The following WNT9B variants were observed in gnomAD, a reference collection of about 807,000 sequenced individuals.
The protein encoded by WNT9B is protein Wnt-9b.
In WNT9B, 12 loss-of-function variants were observed where a neutral mutation model predicts 30.2. The ratio of observed to expected loss-of-function variants is 0.40; its 90% confidence interval spans 0.26 to 0.64. The LOEUF (loss-of-function observed/expected upper bound fraction) is 0.64. Among genes scored for constraint, WNT9B ranks in the 30% least tolerant of loss-of-function variants. The probability of loss-of-function intolerance (pLI) is 0.42; values close to 1 mark genes in which losing one functional copy is unlikely to be tolerated. For missense variants in WNT9B, 442 were observed against 485.2 expected, an observed-to-expected ratio of 0.91 and a Z score of 0.84; for synonymous variants, 218 against 216.9, an observed-to-expected ratio of 1.01 and a Z score of -0.05.
upstream of WNT9B, among the ~76,000 whole-genome samples, chr17:46,848,923 T>C (rs1298584626): frequency 7.1e-6 from 1 of 140,782 alleles, no homozygotes; most frequent in African/African-American, 2.7e-5. Flanking sequence ...CCGGCACATG[T>C]GTGCACGTGC....
intron 1 of WNT9B, among the ~76,000 whole-genome samples, chr17:46,844,317 T>TTC (rs1160383259): frequency 6.6e-6 from 1 of 150,884 alleles, no homozygotes; most frequent in East Asian, 1.9e-4. Flanking sequence ...TTTTTTTTTT[T>TTC]TTTTTTTTGA....
exon 5 of WNT9B, chr17:46,886,122 C>T (rs2085486106): frequency 6.6e-6 from 1 of 152,334 alleles, no homozygotes; most frequent in Non-Finnish European, 1.5e-5. Flanking sequence ...AGAGGATGCA[C>T]AGCTGTGTGT....
At chr17:46,847,782 T>C (rs1014210431), upstream of WNT9B, among the ~76,000 whole-genome samples, 14 of 152,116 alleles carry the variant, frequency 9.2e-5, no homozygotes, top group African/African-American at 2.7e-4. Flanking sequence ...GCATTTCCAC[T>C]TGGGAGGCAC....
intron 1 of WNT9B, among the ~76,000 whole-genome samples, chr17:46,841,560 G>A (rs574012455): frequency 1.6e-4 from 25 of 152,358 alleles, no homozygotes; most frequent in Admixed American, 3.3e-4. Context: ...GTTAAGGTGG[G>A]GGCGTGGGGA....
Position 46,872,599 on chromosome 17 carries a change from C to A in WNT9B, c.160C>A (p.Gln54Lys). The A allele has an allele frequency of 6.2e-7, 1 of 1,611,942 alleles. No homozygotes were observed. The highest frequency in any genetic ancestry group is 8.5e-7 in the Non-Finnish European group (1 of 1,179,078). The change falls in exon 2 of 4, where the codon CAG (glutamine) becomes AAG (lysine). Residue 54 changes from glutamine (Q) to lysine (K), a missense_variant. By Grantham distance (53) the Gln-to-Lys change is moderately conservative. Coordinates refer to ENST00000290015, the MANE Select transcript of WNT9B (RefSeq NM_003396.3). ...APAQGGAHLK[Q>K]CDLLKLSRRQ... ...GGCACAGGGCGGGGCCCACCTGAAG[C>A]AGTGTGACCTGCTGAAGCTGTCCCG...
chr17:46,840,314 C>T lies in WNT9B; in HGVS notation c.95+6874C>T, dbSNP rs895924735. 8.5e-5 allele frequency among the ~76,000 whole-genome samples: 13 copies of T among 152,248 alleles called. No individual in the cohort carries two copies. The East Asian group carries it at 2.5e-3, about 29-fold the overall frequency. ...TGTTAGCCAGGATGGTCTCGATCTC[C>T]TGACCTCATGATCCACCCGCCTCGG... On this transcript the variant is annotated intron_variant, in intron 1 of 2. Coordinates refer to the WNT9B transcript ENST00000575372.
chr17:46,846,901 C>T (rs902399132), upstream of WNT9B, among the ~76,000 whole-genome samples: 2 of 152,158 alleles, frequency 1.3e-5, no homozygotes, highest in Non-Finnish European at 2.9e-5. Context: ...GGGCCCTTCC[C>T]GCAGAAGGAC....
At chr17:46,848,224 G>A (rs180968371), upstream of WNT9B, among the ~76,000 whole-genome samples, 6 of 152,306 alleles carry the variant, frequency 3.9e-5, no homozygotes, top group African/African-American at 1.4e-4. Flanking sequence ...GACTTGGGCT[G>A]TAGTGTGTGT....
chr17:46,886,447 C>T (rs890249212), exon 5 of WNT9B: 4 of 152,184 alleles, frequency 2.6e-5, no homozygotes, highest in African/African-American at 7.2e-5. Flanking sequence ...TGGAGTCACT[C>T]ATGCTAAATG....
rs538340054 is a variant in WNT9B at position 46,879,686 on chromosome 17, T to G, written c.*2968T>G. Among the ~76,000 whole-genome samples, 2 of 152,280 alleles carry G rather than the reference T, an allele frequency of 1.3e-5. No individual in the cohort carries two copies. The highest frequency in any genetic ancestry group is 1.3e-4 in the Admixed American group (2 of 15,302). Reference sequence around the variant, plus strand: ...TTGTTCAATGAATATTTACTGAACATCTCCATAGACCAGGCACTACGGGCT... The same window carrying G: ...TTGTTCAATGAATATTTACTGAACAGCTCCATAGACCAGGCACTACGGGCT... On this transcript the variant is annotated 3_prime_UTR_variant, in exon 4 of 4. Coordinates refer to ENST00000290015, the MANE Select transcript of WNT9B (RefSeq NM_003396.3).
At chr17:46,870,617 A>C (rs2085224909) in intron 1 of WNT9B, among the ~76,000 whole-genome samples, 1 of 152,150 alleles carries the variant, frequency 6.6e-6, no homozygotes, top group Non-Finnish European at 1.5e-5. Flanking sequence ...TGTGGAATCT[A>C]CAGGTGATTT....
At chr17:46,851,563 C>G, upstream of WNT9B, 1 of 841,268 alleles carries the variant, frequency 1.2e-6, no homozygotes, top group Non-Finnish European at 1.6e-6. This position sits in a 1 kb window ranked among gnomAD's most constrained non-coding sequence, Gnocchi z 4.3. Context: ...GTTTAAAGTC[C>G]CGCGGGCGGG....
Position 46,877,355 on chromosome 17 carries a change from C to A in WNT9B, c.*637C>A, listed in dbSNP as rs964999807. The stretch of plus-strand genomic sequence containing the variant: ...GAGTGGACCCGAGTGAGATCTGTGC[C>A]CTGGAGCCCTGTGTCCTTGATTTGG... On this transcript the variant is annotated 3_prime_UTR_variant, in exon 4 of 4. Coordinates refer to ENST00000290015, the MANE Select transcript of WNT9B (RefSeq NM_003396.3). Among the ~76,000 whole-genome samples the A allele has an allele frequency of 6.6e-6, 1 of 152,166 alleles. No individual in the cohort carries two copies. Among genetic ancestry groups the A allele is most frequent in the African/African-American group, 2.4e-5 (1 of 41,444 alleles).
At chr17:46,866,805 T>G (rs2085147181) in intron 1 of WNT9B, among the ~76,000 whole-genome samples, 2 of 152,130 alleles carry the variant, frequency 1.3e-5, no homozygotes, top group African/African-American at 4.8e-5. Context: ...CACCACATCC[T>G]GGGGATAGCC....
At chr17:46,873,107 CACA>C (rs1054955432) in intron 2 of WNT9B, among the ~76,000 whole-genome samples, 16 of 151,584 alleles carry the variant, frequency 1.1e-4, no homozygotes, top group Non-Finnish European at 2.4e-4. Context: ...CACACACACA[CACA>C]CACACACACA....
intron 1 of WNT9B, among the ~76,000 whole-genome samples, chr17:46,852,146 C>T (rs2146542746): frequency 6.6e-6 from 1 of 152,376 alleles, no homozygotes; most frequent in East Asian, 1.9e-4. Flanking sequence ...GGACTCCTTC[C>T]CCACCCTCCG....
At chr17:46,843,725 A>T (rs1309256576) in intron 1 of WNT9B, among the ~76,000 whole-genome samples, 1 of 152,226 alleles carries the variant, frequency 6.6e-6, no homozygotes, top group Admixed American at 6.5e-5. Context: ...ATGGGTTAAC[A>T]GTTTTATAGG....
At chr17:46,842,263 C>A (rs1337200365) in intron 1 of WNT9B, among the ~76,000 whole-genome samples, 2 of 152,236 alleles carry the variant, frequency 1.3e-5, no homozygotes, top group African/African-American at 4.8e-5. Flanking sequence ...GTCAGGAGAG[C>A]CTTCCAGCCA....
Position 46,877,107 on chromosome 17 carries a change from T to C in WNT9B, c.*389T>C. 9.7e-7 allele frequency: 1 copy of C among 1,028,916 alleles called. No homozygotes were observed. The highest frequency in any genetic ancestry group is 1.2e-6 in the Non-Finnish European group (1 of 858,100). 63.7% of individuals were successfully genotyped at this position (1,028,916 alleles called of 1,614,324 possible). On this transcript the variant is annotated 3_prime_UTR_variant, in exon 4 of 4. Transcript: ENST00000290015. ...TTGGAGCCAGCATGTTCTTGGGAGGTGAACTGCTGGGCTAGGAATGCCAAG... is the reference window on the plus strand; with the variant it reads ...TTGGAGCCAGCATGTTCTTGGGAGGCGAACTGCTGGGCTAGGAATGCCAAG...
Sources: allele counts gnomAD v4.1 joint callset (sites outside exome capture counted in the v4.1 genomes callset), GRCh38; gene constraint gnomAD v4.1.1; non-coding constraint Gnocchi (gnomAD v3.1); transcripts MANE v1.5; gene names NCBI Gene and HGNC (gene_info 2026-07-23, HGNC 2026-07-21).